The following DMRT1 variants were observed in gnomAD, a reference collection of about 807,000 sequenced individuals.
The protein encoded by DMRT1 is doublesex and mab-3 related transcription factor 1, also known as doublesex- and mab-3-related transcription factor 1.
Under a neutral mutation model 32.3 loss-of-function variants are expected in DMRT1, and 7 were observed. The observed-to-expected ratio is 0.22, with a 90% CI of 0.12 to 0.41. The LOEUF (loss-of-function observed/expected upper bound fraction) is 0.41. Ranked by LOEUF, DMRT1 falls within the 10% of genes least tolerant of loss-of-function variation. DMRT1 has a pLI of 1.00. For missense variants in DMRT1, 625 were observed against 500.5 expected (o/e 1.25, Z -2.37); for synonymous variants, 278 against 206.1 (o/e 1.35, Z -2.99).
chr9:863,911 T>C (rs558449786), intron 2 of DMRT1, among the ~76,000 whole-genome samples: 1 of 152,292 alleles, frequency 6.6e-6, no homozygotes, highest in South Asian at 2.1e-4. Flanking sequence ...ATCAAGAATT[T>C]CCTTATTTAT....
chr9:949,346 G>A (rs1383909223), intron 4 of DMRT1, among the ~76,000 whole-genome samples: 5 of 145,664 alleles, frequency 3.4e-5, no homozygotes, highest in Non-Finnish European at 1.5e-5. Flanking sequence ...TGAAGCCTGG[G>A]AGAGCAAGAC....
chr9:862,882 C>G (rs186511107), intron 2 of DMRT1, among the ~76,000 whole-genome samples: 4 of 152,192 alleles, frequency 2.6e-5, no homozygotes, highest in African/African-American at 9.6e-5. Flanking sequence ...TGCCTGTGCC[C>G]TAATCCCTGC....
chr9:857,679 G>T (rs537938992), intron 2 of DMRT1, among the ~76,000 whole-genome samples: 3 of 151,756 alleles, frequency 2.0e-5, no homozygotes, highest in Non-Finnish European at 2.9e-5. Flanking sequence ...ACAACGTGCA[G>T]GTTAGTTACA....
intron 2 of DMRT1, among the ~76,000 whole-genome samples, chr9:891,681 AT>A (rs111596773): frequency 0.043 from 6,076 of 140,738 alleles, 148 homozygotes; most frequent in African/African-American, 0.082. Flanking sequence ...CGCCTGGCTA[AT>A]TTTTTTTTTT....
intron 3 of DMRT1, among the ~76,000 whole-genome samples, chr9:902,186 AGG>A (rs1817611695): frequency 6.6e-6 from 1 of 151,914 alleles, no homozygotes; most frequent in African/African-American, 2.4e-5. Flanking sequence ...CTGGGATTAC[AGG>A]CGTGAGCCAC....
At chr9:864,499 CTTTTTTTT>C (rs57418212) in intron 2 of DMRT1, among the ~76,000 whole-genome samples, 1 of 108,902 alleles carries the variant, frequency 9.2e-6, no homozygotes, top group African/African-American at 3.7e-5. Context: ...AGCCAGTACT[CTTTTTTTT>C]TTTTTTTTTG....
At chr9:852,158 A>G (rs936335357) in intron 2 of DMRT1, among the ~76,000 whole-genome samples, 1 of 151,842 alleles carries the variant, frequency 6.6e-6, no homozygotes, top group African/African-American at 2.4e-5. Context: ...GCTGGTCTTG[A>G]ACTCTTGACC....
intron 1 of DMRT1, 82 bp downstream of exon 1, chr9:842,274 G>T (rs1470766070): frequency 1.9e-5 from 28 of 1,469,770 alleles, no homozygotes; most frequent in African/African-American, 8.1e-5. Flanking sequence ...TCGCTCGGTT[G>T]CCCAGGCTGC....
intron 2 of DMRT1, among the ~76,000 whole-genome samples, chr9:884,368 CAA>C (rs5895870): frequency 3.6e-4 from 50 of 138,236 alleles, no homozygotes; most frequent in African/African-American, 7.4e-4. Flanking sequence ...CATGTTAGTG[CAA>C]AAAAAAAAAA....
intron 4 of DMRT1, among the ~76,000 whole-genome samples, chr9:966,974 T>C (rs911141035): frequency 6.6e-6 from 1 of 152,230 alleles, no homozygotes; most frequent in Non-Finnish European, 1.5e-5. Flanking sequence ...TCACCATTAT[T>C]GTTGTACAAG....
chr9:941,282 C>G (rs994204851), intron 4 of DMRT1, among the ~76,000 whole-genome samples: 13 of 150,876 alleles, frequency 8.6e-5, no homozygotes, highest in African/African-American at 3.2e-4. Context: ...AGAGGGTGGA[C>G]AAAGAAAATG....
At chr9:868,627 A>G (rs567224992) in intron 2 of DMRT1, among the ~76,000 whole-genome samples, 1 of 152,190 alleles carries the variant, frequency 6.6e-6, no homozygotes, top group Non-Finnish European at 1.5e-5. Flanking sequence ...TCAACCTTAC[A>G]AGGTTATCGT....
chr9:841,778 C>G lies in DMRT1; in HGVS notation c.-61C>G, dbSNP rs558476492. On this transcript the variant is annotated 5_prime_UTR_variant, in exon 1 of 5. Coordinates refer to ENST00000382276, the MANE Select transcript of DMRT1 (RefSeq NM_021951.3). ...GCGTCGCTGTCCGTCGGGTTCATCC[C>G]TCGCAGCAGTCTCCAGGCGAGAGAG... is the stretch of plus-strand genomic sequence containing the variant. 27 of 1,559,922 alleles carry G rather than the reference C, an allele frequency of 1.7e-5. No individual in the cohort carries two copies. The highest frequency in any genetic ancestry group is 2.7e-5 in the African/African-American group (2 of 73,714).
chr9:917,380 A>C (rs911194982), intron 4 of DMRT1, among the ~76,000 whole-genome samples: 1 of 152,240 alleles, frequency 6.6e-6, no homozygotes, highest in Non-Finnish European at 1.5e-5. Context: ...TGCAGTAGCA[A>C]TGCAAATAAC....
intron 3 of DMRT1, among the ~76,000 whole-genome samples, chr9:904,250 T>C (rs1211658361): frequency 2.0e-5 from 3 of 152,248 alleles, no homozygotes; most frequent in African/African-American, 7.2e-5. Flanking sequence ...TATCCATTTA[T>C]GTTTGCCCTT....
chr9:878,435 G>C (rs779895824), intron 2 of DMRT1, among the ~76,000 whole-genome samples: 1 of 152,128 alleles, frequency 6.6e-6, no homozygotes, highest in Non-Finnish European at 1.5e-5. Context: ...CGCCAGGTTT[G>C]TGTTTGACGT....
At chr9:850,419 G>C (rs1179222939) in intron 2 of DMRT1, among the ~76,000 whole-genome samples, 1 of 152,118 alleles carries the variant, frequency 6.6e-6, no homozygotes, top group Non-Finnish European at 1.5e-5. Context: ...CAAATATATA[G>C]CTTATATTCA....
rs149689369 is a variant in DMRT1, at chr9:890,739, G to C, written c.539-3173G>C. On this transcript the variant is annotated intron_variant, in intron 2 of 4. Coordinates refer to ENST00000382276, the MANE Select transcript of DMRT1 (RefSeq NM_021951.3). ...TATTTTTATTTTTTTATTTGAGACA[G>C]AGTCTCATTCTGTCACCCAGGCTGG... is the stretch of plus-strand genomic sequence containing the variant. Among the ~76,000 whole-genome samples the C allele has an allele frequency of 2.2e-3, 335 of 152,172 alleles. 1 individual carries two copies. Among genetic ancestry groups the C allele is most frequent in the African/African-American group, 7.6e-3 (316 of 41,530 alleles).
chr9:848,552 C>CTTTTTTTTTTTTTTTTTT, intron 2 of DMRT1, among the ~76,000 whole-genome samples: 1 of 97,022 alleles, frequency 1.0e-5, no homozygotes, highest in Non-Finnish European at 2.1e-5. Context: ...TGTTTCCTTT[C>CTTTTTTTTTTTTTTTTTT]TTTTTTTTTT....
Sources: gnomAD v4.1 joint callset for allele counts (sites outside exome capture counted in the v4.1 genomes callset) on GRCh38, gnomAD v4.1.1 for gene constraint, MANE v1.5 for transcripts, NCBI Gene and HGNC (gene_info 2026-07-23, HGNC 2026-07-21) for gene names.